Variants in RYR3 observed in about 807,000 individuals in gnomAD.
The protein encoded by RYR3 is ryanodine receptor 3, also known as brain ryanodine receptor-calcium release channel.
RYR3 carries 207 observed loss-of-function variants against 584.3 expected under a neutral mutation model. The observed-to-expected ratio is 0.35, with a 90% CI of 0.32 to 0.40. The LOEUF (loss-of-function observed/expected upper bound fraction) is 0.40, where lower values mean the gene tolerates loss of function less well. Ranked by LOEUF, RYR3 falls within the 10% of genes least tolerant of loss-of-function variation. RYR3 has a pLI of 1.00. For missense variants in RYR3, 5,616 were observed against 6,089.2 expected, an observed-to-expected ratio of 0.92 and a Z score of 2.59; for synonymous variants, 2,416 against 2,248.5, an observed-to-expected ratio of 1.07 and a Z score of -2.11.
intron 40 of RYR3, among the ~76,000 whole-genome samples, chr15:33,698,463 G>T (rs1249786932): frequency 6.6e-6 from 1 of 152,192 alleles, no homozygotes; most frequent in Non-Finnish European, 1.5e-5. Context: ...CCCTCATAAG[G>T]AGCCCGCATC....
chr15:33,448,010 A>G (rs2046816078), intron 1 of RYR3, among the ~76,000 whole-genome samples: 1 of 152,232 alleles, frequency 6.6e-6, no homozygotes, highest in Non-Finnish European at 1.5e-5. Context: ...TTACCAATGT[A>G]AGAGATAGAA....
intron 1 of RYR3, among the ~76,000 whole-genome samples, chr15:33,376,853 G>A (rs1211628225): frequency 6.6e-6 from 1 of 152,190 alleles, no homozygotes; most frequent in Non-Finnish European, 1.5e-5. Context: ...ATATCTAATT[G>A]TTCTAGCACC....
chr15:33,462,627 TTAAAAA>T (rs370738710), intron 1 of RYR3, among the ~76,000 whole-genome samples: 205 of 152,254 alleles, frequency 1.3e-3, no homozygotes, highest in Middle Eastern at 6.8e-3. Flanking sequence ...ATAAATTGAC[TTAAAAA>T]TAAATAATAT....
intron 1 of RYR3, among the ~76,000 whole-genome samples, chr15:33,435,118 C>T (rs1330272138): frequency 1.3e-5 from 2 of 152,084 alleles, no homozygotes; most frequent in African/African-American, 4.8e-5. Flanking sequence ...CCGTGCCCTG[C>T]CATTTACATT....
At position 33,383,260 on chromosome 15, in the gene RYR3, A is replaced by G. The variant is rs145907198; in HGVS notation, c.51+72164A>G. On this transcript the variant is annotated intron_variant, in intron 1 of 103. Transcript: ENST00000634891. ...GTGAGAAAGGAGGGAGGAGTGTGACATGACTGCCAGCTTTGTATTGTTGTG... is the reference window on the plus strand; with the variant it reads ...GTGAGAAAGGAGGGAGGAGTGTGACGTGACTGCCAGCTTTGTATTGTTGTG... Among the ~76,000 whole-genome samples the G allele has an allele frequency of 3.0e-3, 440 of 148,502 alleles. 5 individuals carry two copies. Among genetic ancestry groups the G allele is most frequent in the African/African-American group, 9.8e-3 (392 of 40,030 alleles).
chr15:33,428,221 C>G (rs1421988854), intron 1 of RYR3, among the ~76,000 whole-genome samples: 1 of 152,166 alleles, frequency 6.6e-6, no homozygotes, highest in Admixed American at 6.5e-5. Context: ...CTACCTGTCC[C>G]TGTCTCTTGT....
At chr15:33,707,504 A>T (rs921859912) in intron 43 of RYR3, among the ~76,000 whole-genome samples, 1 of 152,290 alleles carries the variant, frequency 6.6e-6, no homozygotes, top group Admixed American at 6.5e-5. Context: ...AGGAGAAAAA[A>T]ATTGCTATAA....
intron 48 of RYR3, among the ~76,000 whole-genome samples, chr15:33,734,735 G>T (rs1301572766): frequency 7.3e-6 from 1 of 137,768 alleles, no homozygotes; most frequent in East Asian, 2.1e-4. Flanking sequence ...TGTCGCCCAG[G>T]TTGGAGTGCA....
chr15:33,473,584 G>C (rs1209418672), intron 2 of RYR3, 46 bp downstream of exon 2: 3 of 1,604,988 alleles, frequency 1.9e-6, no homozygotes, highest in Non-Finnish European at 2.6e-6. Flanking sequence ...CTTGGCGTCT[G>C]ACAAAGTCAT....
Position 33,603,274 on chromosome 15 carries a change from C to G in RYR3, c.2074C>G (p.Pro692Ala). 1 of 1,613,860 alleles carries G rather than the reference C, an allele frequency of 6.2e-7. No homozygotes were observed. Among genetic ancestry groups the G allele is most frequent in the Non-Finnish European group, 8.5e-7 (1 of 1,179,812 alleles). ...CTGGGCCTCTTCTTCAGGCTATGCCCCATACCCAGGAGGTGGAGAAGGATG... is the reference window on the plus strand; with the variant it reads ...CTGGGCCTCTTCTTCAGGCTATGCCGCATACCCAGGAGGTGGAGAAGGATG... ...VGWASSSGYA[P>A]YPGGGEGWGG... Residue 692 changes from proline to alanine, a missense_variant, in exon 18 of 104, where the codon CCA (proline) becomes GCA (alanine). By Grantham distance (27) the Pro-to-Ala change is conservative (BLOSUM62 -1). Around this residue, in one of 9 missense-constraint regions of RYR3, gnomAD observed 1,284 missense variants for 1,344.6 expected, o/e 0.95. Coordinates refer to ENST00000634891, the MANE Select transcript of RYR3 (RefSeq NM_001036.6).
At chr15:33,445,269 G>T (rs2046539836) in intron 1 of RYR3, among the ~76,000 whole-genome samples, 2 of 152,136 alleles carry the variant, frequency 1.3e-5, no homozygotes, top group South Asian at 4.1e-4. Context: ...GGAGTTGGCG[G>T]TGATAGGGAA....
At chr15:33,808,796 C>T (rs2076346121) in intron 70 of RYR3, among the ~76,000 whole-genome samples, 1 of 152,168 alleles carries the variant, frequency 6.6e-6, no homozygotes, top group African/African-American at 2.4e-5. Context: ...CCAGGAGGCT[C>T]CTTCTCTTAG....
intron 43 of RYR3, among the ~76,000 whole-genome samples, chr15:33,707,341 A>G (rs964056332): frequency 6.6e-6 from 1 of 152,126 alleles, no homozygotes; most frequent in Non-Finnish European, 1.5e-5. Context: ...GCACTGTAAA[A>G]GGGGGCCTTA....
At chr15:33,563,783 G>A (rs1401766358) in intron 11 of RYR3, among the ~76,000 whole-genome samples, 1 of 152,170 alleles carries the variant, frequency 6.6e-6, no homozygotes, top group Non-Finnish European at 1.5e-5. Flanking sequence ...TGATAAGAAA[G>A]GATGTTGAGA....
chr15:33,778,890 G>A (rs1440787387), intron 64 of RYR3, among the ~76,000 whole-genome samples: 3 of 152,154 alleles, frequency 2.0e-5, no homozygotes, highest in African/African-American at 4.8e-5. Flanking sequence ...TGAAGTTATC[G>A]GCTCAAATGC....
chr15:33,576,660 T>C (rs2152506659), intron 12 of RYR3, among the ~76,000 whole-genome samples: 1 of 152,330 alleles, frequency 6.6e-6, no homozygotes, highest in Non-Finnish European at 1.5e-5. Context: ...GTCAATATCA[T>C]ACTGAATGAG....
At chr15:33,839,384 C>T (rs2078225347) in intron 89 of RYR3, among the ~76,000 whole-genome samples, 1 of 152,196 alleles carries the variant, frequency 6.6e-6, no homozygotes. Flanking sequence ...TTTGGCCTCT[C>T]TATGAGTTTG....
intron 101 of RYR3, 81 bp downstream of exon 101, chr15:33,860,740 C>G (rs997953661): frequency 2.7e-6 from 3 of 1,097,342 alleles, no homozygotes; most frequent in Admixed American, 4.4e-5. Context: ...ATAGGTTTTA[C>G]TATTACTTAG....
intron 89 of RYR3, chr15:33,840,539 A>G: frequency 2.3e-6 from 1 of 442,534 alleles, no homozygotes; most frequent in Non-Finnish European, 4.0e-6. Flanking sequence ...GAGCAGTAGA[A>G]CCACCGCCTT....
Sources: gnomAD v4.1 joint callset for allele counts (sites outside exome capture counted in the v4.1 genomes callset) on GRCh38, gnomAD v4.1.1 for gene constraint, gnomAD v4.1.1 regional missense constraint, MANE v1.5 for transcripts, NCBI Gene and HGNC (gene_info 2026-07-23, HGNC 2026-07-21) for gene names.